The following JUND variants were observed in gnomAD, a reference collection of about 807,000 sequenced individuals.
JUND encodes transcription factor JunD.
In JUND, 2 loss-of-function variants were observed where a neutral mutation model predicts 7.1. The observed-to-expected ratio is 0.28, with a 90% CI of 0.11 to 0.88. The LOEUF (loss-of-function observed/expected upper bound fraction) is 0.88. JUND is among the 40% of genes least tolerant of loss of function. The pLI is 0.60. For missense variants in JUND, 479 were observed against 519.1 expected, an observed-to-expected ratio of 0.92 and a Z score of 0.75; for synonymous variants, 335 against 263.2, an observed-to-expected ratio of 1.27 and a Z score of -2.64.
chr19:18,280,539 G>C lies in JUND; in HGVS notation c.946C>G (p.Leu316Val), dbSNP rs937092396. 4 of 1,611,928 alleles carry C rather than the reference G, an allele frequency of 2.5e-6. No homozygotes were observed. Among genetic ancestry groups the C allele is most frequent in the Non-Finnish European group, 3.4e-6 (4 of 1,179,492 alleles). ...AGCTGCGCCACCTGCTCGCGCAGCAGGCTCGCCGTGGACGCCAGCTCCGTG... is the reference window on the plus strand; with the variant it reads ...AGCTGCGCCACCTGCTCGCGCAGCACGCTCGCCGTGGACGCCAGCTCCGTG... ...QNTELASTAS[L>V]LREQVAQLKQ... is the part of the protein sequence containing the mutation. Residue 316 changes from leucine (L) to valine (V), a missense_variant, in exon 1 of 1, where the codon CTG becomes GTG. Around this residue, in one of 3 missense-constraint regions of JUND, gnomAD observed 63 missense variants for 116.6 expected, o/e 0.54. Transcript: ENST00000252818. The surrounding 1 kb of genome is among the most constrained non-coding windows in gnomAD (Gnocchi z 4.1).
rs914992469 is a variant in JUND, at chr19:18,280,286, A to C, written c.*155T>G. 1.4e-5 allele frequency: 8 copies of C among 577,744 alleles called. No individual in the cohort carries two copies. Among genetic ancestry groups the C allele is most frequent in the Non-Finnish European group, 2.1e-5 (8 of 381,536 alleles). 35.8% of individuals were successfully genotyped at this position (577,744 alleles called of 1,614,324 possible). A position where few individuals can be genotyped will look rare whatever the true frequency, so the allele number is the denominator to read the frequency against. On this transcript the variant is annotated 3_prime_UTR_variant, in exon 1 of 1. Coordinates refer to ENST00000252818, the MANE Select transcript of JUND (RefSeq NM_005354.6). The surrounding 1 kb of genome is among the most constrained non-coding windows in gnomAD (Gnocchi z 4.1). Reference sequence around the variant, plus strand: ...TCCTGGGCACCCTCGGGGGGGGGGAATCCCCGGGGGCCGCGCCCTCTCTGA... The same window carrying C: ...TCCTGGGCACCCTCGGGGGGGGGGACTCCCCGGGGGCCGCGCCCTCTCTGA...
chr19:18,281,583 C>T lies in JUND; in HGVS notation c.-99G>A, dbSNP rs1969952752. 2.9e-6 allele frequency: 1 copy of T among 343,362 alleles called. No individual in the cohort carries two copies. 21.3% of individuals were successfully genotyped at this position (343,362 alleles called of 1,614,324 possible). The stretch of plus-strand genomic sequence containing the variant: ...CGCTCGGCCCTGCGCCCGCCCCGGC[C>T]GCGGCCGCAGCGCCCGGCCCTCCAC... On this transcript the variant is annotated 5_prime_UTR_variant, in exon 1 of 1. Transcript: ENST00000252818.
chr19:18,280,325 C>A lies in JUND; in HGVS notation c.*116G>T. On this transcript the variant is annotated 3_prime_UTR_variant, in exon 1 of 1. Transcript: ENST00000252818. The surrounding 1 kb of genome is among the most constrained non-coding windows in gnomAD (Gnocchi z 4.1). ...CGCCCTCTCTGAGTTCCTGGGCACA[C>A]TCGGGGAGGGGGGGTCCCCAGGGCC... 8.8e-7 allele frequency: 1 copy of A among 1,139,912 alleles called. No homozygotes were observed. The highest frequency in any genetic ancestry group is 1.2e-6 in the Non-Finnish European group (1 of 833,234). 70.6% of individuals were successfully genotyped at this position (1,139,912 alleles called of 1,614,324 possible).
At position 18,280,021 on chromosome 19, in the gene JUND, G is replaced by C. The variant is rs750466820; in HGVS notation, c.*420C>G. On this transcript the variant is annotated 3_prime_UTR_variant, in exon 1 of 1. Transcript: ENST00000252818. The surrounding 1 kb of genome is among the most constrained non-coding windows in gnomAD (Gnocchi z 4.1). ...CCCGAGTAGAAACATAAATAGGGCA[G>C]AATCGAACACTCTGTTCTTCTCTCT... is the stretch of plus-strand genomic sequence containing the variant. 4.9e-6 allele frequency: 1 copy of C among 206,122 alleles called. No individual in the cohort carries two copies. The highest frequency in any genetic ancestry group is 2.5e-5 in the African/African-American group (1 of 40,610). The allele number at this position is 206,122 out of a possible 1,614,324, so 12.8% of individuals were successfully genotyped here.
In JUND at chr19:18,281,383, C is replaced by G; in HGVS notation, c.102G>C (p.Gly34=). 1 of 1,347,596 alleles carries G rather than the reference C, an allele frequency of 7.4e-7. No individual in the cohort carries two copies. Among genetic ancestry groups the G allele is most frequent in the South Asian group, 1.9e-5 (1 of 53,078 alleles). The allele number at this position is 1,347,596 out of a possible 1,614,324, so 83.5% of individuals were successfully genotyped here. A position where few individuals can be genotyped will look rare whatever the true frequency, so the allele number is the denominator to read the frequency against. The change falls in exon 1 of 1, where the codon GGG becomes GGC. Residue 34 remains glycine (G), a synonymous_variant. Coordinates refer to ENST00000252818, the MANE Select transcript of JUND (RefSeq NM_005354.6). ...TGCCGGCCGCGGCCGTCGGGGGCGC[C>G]CCGGGGAACAAGCGGCCCGGGGACG... ...SFASPGRLFP[G]APPTAAAGSM...
In JUND at chr19:18,279,920, G is replaced by T. The variant is rs1226880146; in HGVS notation, c.*521C>A. The T allele has an allele frequency of 1.9e-5, 3 of 154,714 alleles. No individual in the cohort carries two copies. The highest frequency in any genetic ancestry group is 4.3e-5 in the Non-Finnish European group (3 of 69,188). The allele number at this position is 154,714 out of a possible 1,614,324, so 9.6% of individuals were successfully genotyped here. A position where few individuals can be genotyped will look rare whatever the true frequency, so the allele number is the denominator to read the frequency against. On this transcript the variant is annotated 3_prime_UTR_variant, in exon 1 of 1. Coordinates refer to ENST00000252818, the MANE Select transcript of JUND (RefSeq NM_005354.6). The stretch of plus-strand genomic sequence containing the variant: ...GAGCGAGATCGAGGAAAGGGGCGGA[G>T]AATTTTTTTTTCTTCTTCCCATTTC...
chr19:18,280,877 C>T lies in JUND; in HGVS notation c.608G>A (p.Gly203Asp). ...CGCGGCGCCCCCCGCGCCCCCGGCG[C>T]CGCCCGCGTAGCTGCTCAGGTTCGC... is the stretch of plus-strand genomic sequence containing the variant. ...VYANLSSYAG[G>D]AGGAGGAATV... is the part of the protein sequence containing the mutation. Residue 203 changes from glycine (G) to aspartate (D), a missense_variant, in exon 1 of 1, where the codon GGC becomes GAC. Gly to Asp is a moderately conservative substitution (Grantham distance 94). Coordinates refer to ENST00000252818, the MANE Select transcript of JUND (RefSeq NM_005354.6). The surrounding 1 kb of genome is among the most constrained non-coding windows in gnomAD (Gnocchi z 4.1). 1.5e-6 allele frequency: 2 copies of T among 1,294,040 alleles called. No homozygotes were observed. Among genetic ancestry groups the T allele is most frequent in the South Asian group, 2.5e-5 (1 of 40,140 alleles). The allele number at this position is 1,294,040 out of a possible 1,614,324, so 80.2% of individuals were successfully genotyped here. A position where few individuals can be genotyped will look rare whatever the true frequency, so the allele number is the denominator to read the frequency against.
Position 18,280,041 on chromosome 19 carries a change from C to G in JUND, c.*400G>C, listed in dbSNP as rs1265333427. ...GGGCAGAATCGAACACTCTGTTCTT[C>G]TCTCTTCCAAAGAAAAAAAAAAAAA... On this transcript the variant is annotated 3_prime_UTR_variant, in exon 1 of 1. Transcript: ENST00000252818. This position sits in a 1 kb window ranked among gnomAD's most constrained non-coding sequence, Gnocchi z 4.1. 7 of 235,416 alleles carry G rather than the reference C, an allele frequency of 3.0e-5. No homozygotes were observed. Among genetic ancestry groups the G allele is most frequent in the Non-Finnish European group, 4.2e-5 (5 of 119,842 alleles). 14.6% of individuals were successfully genotyped at this position (235,416 alleles called of 1,614,324 possible).
In JUND at chr19:18,280,978, G is replaced by C; in HGVS notation, c.507C>G (p.Pro169=). The change falls in exon 1 of 1, where the codon CCC becomes CCG. Residue 169 remains proline, a synonymous_variant. Coordinates refer to ENST00000252818, the MANE Select transcript of JUND (RefSeq NM_005354.6). The surrounding 1 kb of genome is among the most constrained non-coding windows in gnomAD (Gnocchi z 4.1). ...AAAAAAAAGG[P]SGTATGSAPP... is the part of the protein sequence containing the mutation. The stretch of plus-strand genomic sequence containing the variant: ...GCGCGGAGCCCGTGGCCGTGCCCGA[G>C]GGCCCCCCGGCGGCGGCGGCGGCGG... 9.0e-7 allele frequency: 1 copy of C among 1,109,158 alleles called. No homozygotes were observed. The highest frequency in any genetic ancestry group is 1.1e-6 in the Non-Finnish European group (1 of 915,482). The allele number at this position is 1,109,158 out of a possible 1,614,324, so 68.7% of individuals were successfully genotyped here.
chr19:18,280,918 G>A lies in JUND; in HGVS notation c.567C>T (p.Pro189=). The stretch of plus-strand genomic sequence containing the variant: ...TCAGGTTCGCGTAGACAGGCGCTTC[G>A]GGCGCGGCCGCCGCCGGGGCCAGCT... ...PGELAPAAAA[P]EAPVYANLSS... is the part of the protein sequence containing the mutation. The change falls in exon 1 of 1, where the codon CCC becomes CCT. Residue 189 remains proline (P), a synonymous_variant. Transcript: ENST00000252818. This position sits in a 1 kb window ranked among gnomAD's most constrained non-coding sequence, Gnocchi z 4.1. The A allele has an allele frequency of 1.7e-6, 2 of 1,167,044 alleles. No individual in the cohort carries two copies. The highest frequency in any genetic ancestry group is 1.6e-5 in the African/African-American group (1 of 61,512). 72.3% of individuals were successfully genotyped at this position (1,167,044 alleles called of 1,614,324 possible).
rs911718622 is a variant in JUND, at chr19:18,280,853, GCGGCGCCCCCCGCGCCCC to G, written c.614_631del (p.Gly205_Ala210del). ...AGGTTCGGCAGCGAAGGCGACCGTC[GCGGCGCCCCCCGCGCCCC>G]CGGCGCCGCCCGCGTAGCTGCTCAG... On this transcript the variant is annotated inframe_deletion, in exon 1 of 1. Coordinates refer to ENST00000252818, the MANE Select transcript of JUND (RefSeq NM_005354.6). This position sits in a 1 kb window ranked among gnomAD's most constrained non-coding sequence, Gnocchi z 4.1. 1.1e-5 allele frequency: 15 copies of G among 1,333,698 alleles called. No homozygotes were observed. The highest frequency in any genetic ancestry group is 7.8e-5 in the African/African-American group (5 of 64,316). 82.6% of individuals were successfully genotyped at this position (1,333,698 alleles called of 1,614,324 possible). A position where few individuals can be genotyped will look rare whatever the true frequency, so the allele number is the denominator to read the frequency against.
chr19:18,281,110 G>T lies in JUND; in HGVS notation c.375C>A (p.Tyr125Ter). Reference sequence around the variant, plus strand: ...GCTCCTCGCTGGCCGCCACCTTGGGGTAGAGGAACTGTGAGCTCGTCGGCG... The same window carrying T: ...GCTCCTCGCTGGCCGCCACCTTGGGTTAGAGGAACTGTGAGCTCGTCGGCG... ...TTTPTSSQFL[Y>*]PKVAASEEQE... Residue 125 changes from tyrosine (Y) to a stop codon, truncating the protein, a stop_gained, in exon 1 of 1, where the codon TAC becomes TAA. Transcript: ENST00000252818. LOFTEE classifies it low-confidence loss of function (END_TRUNC). 1 of 1,581,266 alleles carries T rather than the reference G, an allele frequency of 6.3e-7. No individual in the cohort carries two copies. Among genetic ancestry groups the T allele is most frequent in the Non-Finnish European group, 8.6e-7 (1 of 1,168,870 alleles).
chr19:18,280,209 C>CG lies in JUND; in HGVS notation c.*231dup, dbSNP rs899294803. The CG allele has an allele frequency of 4.5e-5, 21 of 464,180 alleles. No homozygotes were observed. Among genetic ancestry groups the CG allele is most frequent in the African/African-American group, 1.7e-4 (8 of 47,082 alleles). The allele number at this position is 464,180 out of a possible 1,614,324, so 28.8% of individuals were successfully genotyped here. Reference sequence around the variant, plus strand: ...GCGGGGGAAAGAGGCAGCGCGAGGGCGGGGGGGTCATGCGCTCGCCCCCCC... The same window carrying CG: ...GCGGGGGAAAGAGGCAGCGCGAGGGCGGGGGGGGTCATGCGCTCGCCCCCCC... On this transcript the variant is annotated 3_prime_UTR_variant, in exon 1 of 1. Transcript: ENST00000252818. This position sits in a 1 kb window ranked among gnomAD's most constrained non-coding sequence, Gnocchi z 4.1.
chr19:18,281,270 G>T lies in JUND; in HGVS notation c.215C>A (p.Pro72His), dbSNP rs745745630. Reference protein sequence around the residue: ...LKPAAAPPPTPLRADGAPSAA... With the variant: ...LKPAAAPPPTHLRADGAPSAA... The stretch of plus-strand genomic sequence containing the variant: ...GCTGGGGGCGCCGTCGGCGCGCAGG[G>T]GGGTAGGAGGCGGCGCGGCCGCAGG... Residue 72 changes from proline (P) to histidine (H), a missense_variant, in exon 1 of 1, where the codon CCC (proline) becomes CAC (histidine). By Grantham distance (77) the Pro-to-His change is moderately conservative (BLOSUM62 -2). This residue lies in a region of JUND where 374 missense variants were observed against 365.4 expected (regional missense o/e 1.02). Transcript: ENST00000252818. 106 of 1,437,058 alleles carry T rather than the reference G, an allele frequency of 7.4e-5. No homozygotes were observed. Among genetic ancestry groups the T allele is most frequent in the Non-Finnish European group, 8.5e-5 (94 of 1,102,828 alleles). 89.0% of individuals were successfully genotyped at this position (1,437,058 alleles called of 1,614,324 possible). A position where few individuals can be genotyped will look rare whatever the true frequency, so the allele number is the denominator to read the frequency against.
chr19:18,280,354 C>A lies in JUND; in HGVS notation c.*87G>T. ...GGGAGGGGGGGTCCCCAGGGCCGCA[C>A]CCTCTCCAAGTCCGGGGCGCCCACG... On this transcript the variant is annotated 3_prime_UTR_variant, in exon 1 of 1. Coordinates refer to ENST00000252818, the MANE Select transcript of JUND (RefSeq NM_005354.6). This position sits in a 1 kb window ranked among gnomAD's most constrained non-coding sequence, Gnocchi z 4.1. The A allele has an allele frequency of 7.0e-7, 1 of 1,432,494 alleles. No homozygotes were observed. The allele number at this position is 1,432,494 out of a possible 1,614,324, so 88.7% of individuals were successfully genotyped here. A position where few individuals can be genotyped will look rare whatever the true frequency, so the allele number is the denominator to read the frequency against.
At position 18,281,005 on chromosome 19, in the gene JUND, G is replaced by C; in HGVS notation, c.480C>G (p.Ala160=). The part of the protein sequence containing the change: ...QNQLGAGAAA[A]AAAAAAGGPS... Reference sequence around the variant, plus strand: ...GCCCCCCGGCGGCGGCGGCGGCGGCGGCAGCGGCCGCGCCCGCGCCGAGCT... The same window carrying C: ...GCCCCCCGGCGGCGGCGGCGGCGGCCGCAGCGGCCGCGCCCGCGCCGAGCT... The change falls in exon 1 of 1, where the codon GCC becomes GCG. Residue 160 remains alanine (A), a synonymous_variant. Coordinates refer to ENST00000252818, the MANE Select transcript of JUND (RefSeq NM_005354.6). The C allele has an allele frequency of 8.0e-7, 1 of 1,252,920 alleles. No individual in the cohort carries two copies. The highest frequency in any genetic ancestry group is 1.0e-6 in the Non-Finnish European group (1 of 1,000,170). 77.6% of individuals were successfully genotyped at this position (1,252,920 alleles called of 1,614,324 possible). A position where few individuals can be genotyped will look rare whatever the true frequency, so the allele number is the denominator to read the frequency against.
Position 18,280,864 on chromosome 19 carries a change from CGCGCCCCCG to C in JUND, c.612_620del (p.Gly208_Ala210del), listed in dbSNP as rs540821014. On this transcript the variant is annotated inframe_deletion, in exon 1 of 1. Transcript: ENST00000252818. This position sits in a 1 kb window ranked among gnomAD's most constrained non-coding sequence, Gnocchi z 4.1. ...CGAAGGCGACCGTCGCGGCGCCCCC[CGCGCCCCCG>C]GCGCCGCCCGCGTAGCTGCTCAGGT... 1,207 of 1,309,986 alleles carry C rather than the reference CGCGCCCCCG, an allele frequency of 9.2e-4. 6 individuals carry two copies. Among genetic ancestry groups the C allele is most frequent in the African/African-American group, 8.1e-3 (521 of 64,130 alleles). The allele number at this position is 1,309,986 out of a possible 1,614,324, so 81.1% of individuals were successfully genotyped here.
Position 18,281,271 on chromosome 19 carries a change from G to T in JUND, c.214C>A (p.Pro72Thr). 5.6e-6 allele frequency: 8 copies of T among 1,437,554 alleles called. No individual in the cohort carries two copies. Among genetic ancestry groups the T allele is most frequent in the Non-Finnish European group, 7.3e-6 (8 of 1,103,068 alleles). 89.0% of individuals were successfully genotyped at this position (1,437,554 alleles called of 1,614,324 possible). Residue 72 changes from proline to threonine, a missense_variant, in exon 1 of 1, where the codon CCC becomes ACC. Transcript: ENST00000252818. The part of the protein sequence containing the change: ...LKPAAAPPPT[P>T]LRADGAPSAA... The stretch of plus-strand genomic sequence containing the variant: ...CTGGGGGCGCCGTCGGCGCGCAGGG[G>T]GGTAGGAGGCGGCGCGGCCGCAGGC...
chr19:18,280,457 T>C lies in JUND; in HGVS notation c.1028A>G (p.Gln343Arg). 6.4e-7 allele frequency: 1 copy of C among 1,562,024 alleles called. No individual in the cohort carries two copies. The highest frequency in any genetic ancestry group is 8.7e-7 in the Non-Finnish European group (1 of 1,153,860). Residue 343 changes from glutamine to arginine, a missense_variant, in exon 1 of 1, where the codon CAG (glutamine) becomes CGG (arginine). Coordinates refer to ENST00000252818, the MANE Select transcript of JUND (RefSeq NM_005354.6). This position sits in a 1 kb window ranked among gnomAD's most constrained non-coding sequence, Gnocchi z 4.1. ...NSGCQLLPQH[Q>R]VPAY is the part of the protein sequence containing the mutation. The stretch of plus-strand genomic sequence containing the variant: ...CGCGCGGACTCAGTACGCGGGCACC[T>C]GGTGCTGGGGCAGCAGCTGGCAGCC...
Sources: gnomAD v4.1 joint callset for allele counts on GRCh38, gnomAD v4.1.1 for gene constraint, gnomAD v4.1.1 regional missense constraint, Gnocchi (gnomAD v3.1) non-coding constraint, MANE v1.5 for transcripts, NCBI Gene and HGNC (gene_info 2026-07-23, HGNC 2026-07-21) for gene names.